RDH8: variants seen among roughly 807,000 people sequenced by gnomAD.
RDH8 encodes retinol dehydrogenase 8.
A neutral mutation model predicts 22.3 loss-of-function variants in RDH8; 14 were observed. The ratio of observed to expected loss-of-function variants is 0.63; its 90% confidence interval spans 0.42 to 0.98. RDH8 has a LOEUF of 0.98. RDH8 is among the 50% of genes least tolerant of loss of function. The probability of loss-of-function intolerance (pLI) is 0.00; values close to 1 mark genes in which losing one functional copy is unlikely to be tolerated. For missense variants in RDH8, 389 were observed against 409.8 expected, an observed-to-expected ratio of 0.95 and a Z score of 0.44; for synonymous variants, 175 against 171.7, an observed-to-expected ratio of 1.02 and a Z score of -0.15.
intron 2 of RDH8, among the ~76,000 whole-genome samples, chr19:10,017,823 T>G (rs1190337241): frequency 6.6e-6 from 1 of 151,902 alleles, no homozygotes; most frequent in East Asian, 1.9e-4. Context: ...TTTTTGTATT[T>G]TTCTTAGAGA....
chr19:10,016,057 T>G (rs1156945507), intron 1 of RDH8, among the ~76,000 whole-genome samples: 1 of 151,850 alleles, frequency 6.6e-6, no homozygotes, highest in South Asian at 2.1e-4. Flanking sequence ...TGGCAATCTG[T>G]TTTATGTTTA....
rs570199311 is a variant in RDH8, at chr19:10,018,516, T to C, written c.263-215T>C. 1.7e-3 allele frequency among the ~76,000 whole-genome samples: 264 copies of C among 152,276 alleles called. 2 individuals carry two copies. Among genetic ancestry groups the C allele is most frequent in the South Asian group, 0.017 (81 of 4,822 alleles). ...GCTCATGGATTAAGGGGGGCACTAT[T>C]CCCAGCAGCCCTTCCTCCCACTCAG... is the stretch of plus-strand genomic sequence containing the variant. On this transcript the variant is annotated intron_variant, in intron 2 of 5. Transcript: ENST00000591589.
chr19:10,014,189 C>T (rs182494698), intron 1 of RDH8, among the ~76,000 whole-genome samples: 1 of 152,192 alleles, frequency 6.6e-6, no homozygotes, highest in African/African-American at 2.4e-5. Context: ...GAACCCCTGA[C>T]CCAGAGGGAG....
chr19:10,017,262 G>A (rs1469580443), intron 2 of RDH8, 47 bp downstream of exon 2: 1 of 1,479,010 alleles, frequency 6.8e-7, no homozygotes, highest in Non-Finnish European at 9.0e-7. Context: ...CCTGGTCTGA[G>A]TATAGACCCT....
At chr19:10,016,971 T>C in intron 1 of RDH8, 86 bp from the exon 2 acceptor site, 3 of 1,352,772 alleles carry the variant, frequency 2.2e-6, no homozygotes, top group Non-Finnish European at 2.9e-6. Context: ...CTCTGTGACT[T>C]GTAACGCAAG....
chr19:10,020,422 A>T (rs953594921), intron 3 of RDH8, among the ~76,000 whole-genome samples: 2 of 150,950 alleles, frequency 1.3e-5, no homozygotes, highest in African/African-American at 4.9e-5. Context: ...AATGAAGGGG[A>T]TCCCCAAGCG....
Position 10,018,858 on chromosome 19 carries a change from G to A in RDH8, c.390G>A (p.Lys130=), listed in dbSNP as rs757832811. The change falls in exon 3 of 6, where the codon AAG becomes AAA. Residue 130 remains lysine, a synonymous_variant. Transcript: ENST00000591589. ...RLVKAVLPGM[K]RRRQGHIVVI... ...TCAAAGCTGTGCTTCCAGGCATGAA[G>A]AGGAGGCGGCAGGGCCACATCGTGG... The A allele has an allele frequency of 6.2e-7, 1 of 1,613,904 alleles. No individual in the cohort carries two copies. The highest frequency in any genetic ancestry group is 1.7e-5 in the Admixed American group (1 of 59,998).
At position 10,021,797 on chromosome 19, in the gene RDH8, C is replaced by T. The variant is rs1187781630; in HGVS notation, c.*48C>T. The stretch of plus-strand genomic sequence containing the variant: ...CCATCCCTGAACAACCAGACCTCTT[C>T]ATTCCACATCTAATTCAAAGGATGA... On this transcript the variant is annotated 3_prime_UTR_variant, in exon 6 of 6. Transcript: ENST00000591589. 1 of 1,543,164 alleles carries T rather than the reference C, an allele frequency of 6.5e-7. No homozygotes were observed. The highest frequency in any genetic ancestry group is 1.7e-5 in the Admixed American group (1 of 58,432).
Position 10,013,489 on chromosome 19 carries a change from G to A in RDH8, c.-9G>A, listed in dbSNP as rs1241666120. 1.9e-6 allele frequency: 3 copies of A among 1,611,824 alleles called. No individual in the cohort carries two copies. The highest frequency in any genetic ancestry group is 1.7e-5 in the Admixed American group (1 of 59,994). ...CGGCGGAGGTCACGAGTCCAGGGAG[G>A]GGATCAACATGGCCGCTGCACCCCG... is the stretch of plus-strand genomic sequence containing the variant. On this transcript the variant is annotated 5_prime_UTR_variant, in exon 1 of 6. Coordinates refer to ENST00000591589, the MANE Select transcript of RDH8 (RefSeq NM_015725.4).
intron 1 of RDH8, among the ~76,000 whole-genome samples, chr19:10,014,591 G>A (rs2087595138): frequency 6.6e-6 from 1 of 152,006 alleles, no homozygotes; most frequent in African/African-American, 2.4e-5. Flanking sequence ...CCCAGGCTGA[G>A]TGCAGTGGTG....
Position 10,022,099 on chromosome 19 carries a change from T to G in RDH8, c.*350T>G. 1 of 279,534 alleles carries G rather than the reference T, an allele frequency of 3.6e-6. No homozygotes were observed. Among genetic ancestry groups the G allele is most frequent in the Non-Finnish European group, 6.8e-6 (1 of 146,510 alleles). The allele number at this position is 279,534 out of a possible 1,614,324, so 17.3% of individuals were successfully genotyped here. On this transcript the variant is annotated 3_prime_UTR_variant, in exon 6 of 6. Coordinates refer to ENST00000591589, the MANE Select transcript of RDH8 (RefSeq NM_015725.4). ...TGCTACATTCAACCTCGTGACTTCA[T>G]GATCCTGGGCCTGAGAACACAGGAA...
At chr19:10,018,077 C>G (rs2087633329) in intron 2 of RDH8, among the ~76,000 whole-genome samples, 1 of 152,140 alleles carries the variant, frequency 6.6e-6, no homozygotes, top group South Asian at 2.1e-4. Flanking sequence ...TCCCAAGTAG[C>G]TGGGATTACA....
At chr19:10,019,240 G>T (rs974953765) in intron 3 of RDH8, among the ~76,000 whole-genome samples, 1 of 152,056 alleles carries the variant, frequency 6.6e-6, no homozygotes, top group African/African-American at 2.4e-5. Flanking sequence ...GTAGGTTGCA[G>T]TGAGCCAAGA....
chr19:10,021,601 C>T lies in RDH8; in HGVS notation c.788C>T (p.Pro263Leu), dbSNP rs371655240. The T allele has an allele frequency of 5.8e-5, 93 of 1,613,966 alleles. No homozygotes were observed. Among genetic ancestry groups the T allele is most frequent in the African/African-American group, 1.2e-4 (9 of 74,926 alleles). The change falls in exon 6 of 6, where the codon CCG becomes CTG. Residue 263 changes from proline (P) to leucine (L), a missense_variant. By Grantham distance (98) the Pro-to-Leu change is moderately conservative. Coordinates refer to ENST00000591589, the MANE Select transcript of RDH8 (RefSeq NM_015725.4). ...LRRQTNIRYSPLTTLKTVDSS... is the reference protein window; with the variant it reads ...LRRQTNIRYSLLTTLKTVDSS... ...CGACAGACCAACATCCGCTACTCGC[C>T]GCTGACCACGCTCAAAACCGTGGAT...
intron 3 of RDH8, 47 bp downstream of exon 3, chr19:10,018,957 C>T: frequency 2.7e-6 from 4 of 1,482,954 alleles, no homozygotes; most frequent in Non-Finnish European, 3.7e-6. Context: ...GTGTCTGATC[C>T]TCCCCAGACT....
intron 2 of RDH8, 27 bp from the exon 3 acceptor site, chr19:10,018,704 G>A: frequency 1.3e-6 from 2 of 1,554,562 alleles, no homozygotes; most frequent in Admixed American, 3.7e-5. Flanking sequence ...GGGACTTTAA[G>A]GTAACCCTTA....
In RDH8 at chr19:10,021,762, T is replaced by C. The variant is rs1187717593; in HGVS notation, c.*13T>C. 6.2e-7 allele frequency: 1 copy of C among 1,610,950 alleles called. No homozygotes were observed. Among genetic ancestry groups the C allele is most frequent in the Non-Finnish European group, 8.5e-7 (1 of 1,178,622 alleles). On this transcript the variant is annotated 3_prime_UTR_variant, in exon 6 of 6. Transcript: ENST00000591589. Reference sequence around the variant, plus strand: ...GCGGCCAAGATGAGCAGAACAGAGCTTCACGATCCCCATCCCTGAACAACC... The same window carrying C: ...GCGGCCAAGATGAGCAGAACAGAGCCTCACGATCCCCATCCCTGAACAACC...
intron 1 of RDH8, among the ~76,000 whole-genome samples, chr19:10,015,106 G>A (rs1319464810): frequency 6.6e-6 from 1 of 152,182 alleles, no homozygotes; most frequent in Non-Finnish European, 1.5e-5. Context: ...TATCAAACAC[G>A]TATGCTGGTG....
At chr19:10,017,989 A>C (rs1392528618) in intron 2 of RDH8, among the ~76,000 whole-genome samples, 2 of 151,876 alleles carry the variant, frequency 1.3e-5, no homozygotes, top group Admixed American at 1.3e-4. Flanking sequence ...CTTGTTGCCT[A>C]GGCTAGAGTG....
Sources: allele counts gnomAD v4.1 joint callset (sites outside exome capture counted in the v4.1 genomes callset), GRCh38; gene constraint gnomAD v4.1.1; transcripts MANE v1.5; gene names NCBI Gene and HGNC (gene_info 2026-07-23, HGNC 2026-07-21).